The following PLCB4 variants were observed in gnomAD, a reference collection of about 807,000 sequenced individuals.
The protein encoded by PLCB4 is 1-phosphatidylinositol 4,5-bisphosphate phosphodiesterase beta-4.
A neutral mutation model predicts 178.8 loss-of-function variants in PLCB4; 77 were observed. The ratio of observed to expected loss-of-function variants is 0.43; its 90% CI spans 0.36 to 0.52. The LOEUF (loss-of-function observed/expected upper bound fraction) is 0.52, where lower values mean the gene tolerates loss of function less well. Among genes scored for constraint, PLCB4 ranks in the 20% least tolerant of loss-of-function variants. PLCB4 has a pLI of 0.00. For synonymous variants in PLCB4, 496 were observed against 490.8 expected (o/e 1.01, Z -0.14); for missense variants, 1,024 against 1,453.4 (o/e 0.70, Z 4.80).
At chr20:9,419,759 A>T in intron 25 of PLCB4, 48 bp from the exon 26 acceptor site, 1 of 1,127,824 alleles carries the variant, frequency 8.9e-7, no homozygotes, top group Non-Finnish European at 1.4e-6. Flanking sequence ...CGAGTGTTTT[A>T]GTCTTTGTAA....
chr20:9,243,019 G>A (rs945343769), intron 3 of PLCB4, among the ~76,000 whole-genome samples: 1 of 152,180 alleles, frequency 6.6e-6, no homozygotes, highest in African/African-American at 2.4e-5. Context: ...TTGAATTTCA[G>A]ATCATCAACA....
chr20:9,084,601 C>A (rs1164681154), intron 1 of PLCB4, among the ~76,000 whole-genome samples: 2 of 151,904 alleles, frequency 1.3e-5, no homozygotes, highest in Non-Finnish European at 2.9e-5. Flanking sequence ...GGAAAAAACC[C>A]AGCAGCACAA....
At chr20:9,349,027 C>T (rs971335658) in intron 7 of PLCB4, among the ~76,000 whole-genome samples, 1 of 148,056 alleles carries the variant, frequency 6.8e-6, no homozygotes, top group Admixed American at 6.8e-5. Flanking sequence ...AGTTGCATGA[C>T]ATTCTATGCA....
chr20:9,138,579 C>G (rs1301355648), intron 2 of PLCB4, among the ~76,000 whole-genome samples: 1 of 152,016 alleles, frequency 6.6e-6, no homozygotes, highest in African/African-American at 2.4e-5. Context: ...TACACAATTA[C>G]CTTCTATCAC....
intron 7 of PLCB4, among the ~76,000 whole-genome samples, chr20:9,345,829 T>A (rs1370399298): frequency 6.6e-6 from 1 of 152,228 alleles, no homozygotes. Context: ...AGTCAGGTTA[T>A]TTGTTACCAG....
chr20:9,433,059 C>G (rs1366225096), intron 28 of PLCB4, among the ~76,000 whole-genome samples: 1 of 152,086 alleles, frequency 6.6e-6, no homozygotes, highest in East Asian at 1.9e-4. Context: ...CTGCAAGCAC[C>G]TCTAAAAGTA....
intron 3 of PLCB4, among the ~76,000 whole-genome samples, chr20:9,305,504 TG>T (rs1391038423): frequency 6.6e-6 from 1 of 152,134 alleles, no homozygotes; most frequent in Non-Finnish European, 1.5e-5. Flanking sequence ...ATCTAGGATT[TG>T]GGTTGGCTAA....
intron 2 of PLCB4, among the ~76,000 whole-genome samples, chr20:9,183,012 C>T (rs374545761): frequency 4.1e-4 from 63 of 152,270 alleles, no homozygotes; most frequent in African/African-American, 1.3e-3. Flanking sequence ...CAGGGAGTCA[C>T]GCTGCTCTGC....
intron 2 of PLCB4, among the ~76,000 whole-genome samples, chr20:9,157,944 C>T (rs1032426165): frequency 6.6e-6 from 1 of 152,108 alleles, no homozygotes; most frequent in African/African-American, 2.4e-5. Context: ...ACAAGCAAAA[C>T]TAATTTATGT....
chr20:9,206,854 A>T (rs951077093), intron 2 of PLCB4, among the ~76,000 whole-genome samples: 2 of 152,246 alleles, frequency 1.3e-5, no homozygotes, highest in Admixed American at 6.5e-5. Context: ...TTCTAACAAA[A>T]CCCTATAAAA....
At chr20:9,426,783 T>C (rs562337180) in intron 28 of PLCB4, among the ~76,000 whole-genome samples, 1 of 152,252 alleles carries the variant, frequency 6.6e-6, no homozygotes, top group Non-Finnish European at 1.5e-5. Context: ...TTTATATTTT[T>C]ATTAGCTGTA....
At chr20:9,454,002 T>G (rs1398645400) in intron 33 of PLCB4, among the ~76,000 whole-genome samples, 1 of 152,226 alleles carries the variant, frequency 6.6e-6, no homozygotes, top group East Asian at 1.9e-4. Flanking sequence ...GTGCTTGTTT[T>G]CCACTCTGGG....
rs1030179113 is a variant in PLCB4 at position 9,389,884 on chromosome 20, A to C, written c.1164A>C (p.Val388=). The C allele has an allele frequency of 1.3e-6, 2 of 1,560,880 alleles. No homozygotes were observed. The highest frequency in any genetic ancestry group is 1.8e-6 in the Non-Finnish European group (2 of 1,138,000). The change falls in exon 16 of 40, where the codon GTA becomes GTC. Residue 388 remains valine (V), a synonymous_variant. Transcript: ENST00000378473. The stretch of plus-strand genomic sequence containing the variant: ...GTTTTTTTTTGTTTTTAAAGGATGT[A>C]ATTCAAGCCATCAAGGAAACTGCAT... The part of the protein sequence containing the change: ...AMCTDILFKD[V]IQAIKETAFV...
chr20:9,153,244 A>C (rs148371803), intron 2 of PLCB4, among the ~76,000 whole-genome samples: 6 of 152,212 alleles, frequency 3.9e-5, no homozygotes, highest in African/African-American at 1.4e-4. Flanking sequence ...ATTGGGTTTG[A>C]AATGTAAGGA....
intron 2 of PLCB4, among the ~76,000 whole-genome samples, chr20:9,147,845 G>A (rs2092625853): frequency 1.3e-5 from 2 of 152,128 alleles, no homozygotes; most frequent in South Asian, 4.1e-4. Flanking sequence ...AGCCGAGACT[G>A]TGGTTACAGG....
At chr20:9,198,651 G>A (rs1260137509) in intron 2 of PLCB4, among the ~76,000 whole-genome samples, 3 of 152,206 alleles carry the variant, frequency 2.0e-5, no homozygotes, top group Non-Finnish European at 4.4e-5. Context: ...ATTAAATAGA[G>A]TTATGGTTTT....
chr20:9,120,877 C>CT (rs1219545023), intron 2 of PLCB4, among the ~76,000 whole-genome samples: 4 of 152,172 alleles, frequency 2.6e-5, no homozygotes, highest in African/African-American at 9.7e-5. Flanking sequence ...AAATGAGCTG[C>CT]TCTCTTTTGG....
chr20:9,323,697 C>T (rs1363718828), intron 4 of PLCB4, among the ~76,000 whole-genome samples: 1 of 152,180 alleles, frequency 6.6e-6, no homozygotes, highest in Non-Finnish European at 1.5e-5. Context: ...ACAGCTGCCC[C>T]AGGAGTCCCC....
intron 3 of PLCB4, among the ~76,000 whole-genome samples, chr20:9,258,401 TG>T (rs2094259241): frequency 6.7e-6 from 1 of 150,080 alleles, no homozygotes; most frequent in South Asian, 2.1e-4. Context: ...GAAATGGGAG[TG>T]GGGTGGAAAG....
Sources: allele counts gnomAD v4.1 joint callset (sites outside exome capture counted in the v4.1 genomes callset), GRCh38; gene constraint gnomAD v4.1.1; transcripts MANE v1.5; gene names NCBI Gene and HGNC (gene_info 2026-07-23, HGNC 2026-07-21).